Variants in GLB1 observed in about 807,000 individuals in gnomAD.
GLB1 encodes the protein galactosidase beta 1.
In GLB1, 56 loss-of-function variants were observed where a neutral mutation model predicts 74.0. That is an observed-to-expected ratio of 0.76 (90% CI 0.61 to 0.94). The LOEUF (loss-of-function observed/expected upper bound fraction) is 0.94, where lower values mean the gene tolerates loss of function less well. GLB1 is among the 40% of genes least tolerant of loss of function. The probability of loss-of-function intolerance (pLI) is 0.00; values close to 1 mark genes in which losing one functional copy is unlikely to be tolerated. For synonymous variants in GLB1, 323 were observed against 323.6 expected (o/e 1.00, Z 0.02); for missense variants, 787 against 845.5 (o/e 0.93, Z 0.86).
chr3:33,020,471 T>A (rs1697420999), intron 12 of GLB1, among the ~76,000 whole-genome samples: 1 of 152,182 alleles, frequency 6.6e-6, no homozygotes, highest in African/African-American at 2.4e-5. Flanking sequence ...CATCCTGCTA[T>A]CATTCCCTGA....
intron 10 of GLB1, chr3:33,033,881 A>C (rs1698161365): frequency 1.9e-6 from 1 of 519,252 alleles, no homozygotes; most frequent in Non-Finnish European, 3.9e-6. Context: ...AGTAATTAAC[A>C]CTGTGGATAC....
chr3:32,999,801 C>G (rs1696475111), intron 15 of GLB1, among the ~76,000 whole-genome samples: 1 of 152,054 alleles, frequency 6.6e-6, no homozygotes, highest in Non-Finnish European at 1.5e-5. Context: ...CAGGCGTGCA[C>G]CACCATGCCC....
At chr3:33,092,335 C>T (rs566139698) in intron 1 of GLB1, 1 of 987,420 alleles carries the variant, frequency 1.0e-6, no homozygotes, top group Admixed American at 6.0e-5. Context: ...GAGGGCCCTT[C>T]CATCTTGCCT....
chr3:32,995,376 T>C (rs1696290288), downstream of GLB1, among the ~76,000 whole-genome samples: 1 of 152,176 alleles, frequency 6.6e-6, no homozygotes, highest in East Asian at 1.9e-4. Context: ...TTGGTAACTG[T>C]GCAGTGGAGG....
intron 1 of GLB1, among the ~76,000 whole-genome samples, chr3:33,080,725 C>T (rs903598211): frequency 6.6e-6 from 1 of 152,202 alleles, no homozygotes; most frequent in South Asian, 2.1e-4. Flanking sequence ...TGCATTCTGA[C>T]CCAGGCTGTC....
intron 1 of GLB1, 81 bp downstream of exon 1, chr3:33,096,929 CG>C: frequency 6.5e-7 from 1 of 1,548,838 alleles, no homozygotes; most frequent in Non-Finnish European, 8.7e-7. Flanking sequence ...TGCGGGACCG[CG>C]GGTGGCTGCG....
chr3:32,999,349 G>T (rs372165413), intron 15 of GLB1, among the ~76,000 whole-genome samples: 2 of 152,168 alleles, frequency 1.3e-5, no homozygotes, highest in East Asian at 3.9e-4. Flanking sequence ...GGTCAAGGGG[G>T]AAGACAGAGA....
chr3:33,071,984 T>A (rs1159507040), intron 2 of GLB1, among the ~76,000 whole-genome samples: 1 of 152,224 alleles, frequency 6.6e-6, no homozygotes, highest in Non-Finnish European at 1.5e-5. Context: ...GGAATCTAAG[T>A]GTAAAAAGTT....
At position 33,063,259 on chromosome 3, in the gene GLB1, G is replaced by A. The variant is rs145111423; in HGVS notation, c.552+2204C>T. 2.3e-3 allele frequency among the ~76,000 whole-genome samples: 341 copies of A among 150,438 alleles called. 7 individuals carry two copies. In the South Asian group the frequency reaches 0.043, roughly 19 times the overall value. On this transcript the variant is annotated intron_variant, in intron 5 of 15. Coordinates refer to ENST00000307363, the MANE Select transcript of GLB1 (RefSeq NM_000404.4). Reference sequence around the variant, plus strand: ...ACTCTGTAAGAAAGCAGAAAAAAAAGGCATAAAAAATATTCAAGGAAACTC... The same window carrying A: ...ACTCTGTAAGAAAGCAGAAAAAAAAAGCATAAAAAATATTCAAGGAAACTC...
chr3:32,982,038 G>A, the GLB1 span, among the ~76,000 whole-genome samples: 2 of 152,120 alleles, frequency 1.3e-5, no homozygotes, highest in African/African-American at 4.8e-5. Flanking sequence ...TTTCAGCCGG[G>A]TGCGGTGGCT....
At position 33,018,474 on chromosome 3, in the gene GLB1, C is replaced by T. The variant is rs780724173; in HGVS notation, c.1321G>A (p.Asp441Asn). Residue 441 changes from aspartate (D) to asparagine (N), a missense_variant, in exon 13 of 16, where the codon GAT (aspartate) becomes AAT (asparagine). By Grantham distance (23) the Asp-to-Asn change is conservative (BLOSUM62 1). Coordinates refer to ENST00000307363, the MANE Select transcript of GLB1 (RefSeq NM_000404.4). ...PLSSPLNGVHDRAYVAVDGIP... is the reference protein window; with the variant it reads ...PLSSPLNGVHNRAYVAVDGIP... ...CCATCCACAGCAACATATGCTCGATCGTGGACTCCATTGAGGGGTGAAGAG... is the reference window on the plus strand; with the variant it reads ...CCATCCACAGCAACATATGCTCGATTGTGGACTCCATTGAGGGGTGAAGAG... The T allele has an allele frequency of 6.2e-6, 10 of 1,613,906 alleles. No individual in the cohort carries two copies. In the Admixed American group the frequency reaches 1.2e-4, roughly 19 times the overall value.
At chr3:33,081,111 G>A (rs543875294) in intron 1 of GLB1, among the ~76,000 whole-genome samples, 1 of 152,212 alleles carries the variant, frequency 6.6e-6, no homozygotes, top group African/African-American at 2.4e-5. Context: ...TTTATTAACA[G>A]ATTTGGAAGC....
chr3:33,064,740 G>C (rs1699600288), intron 5 of GLB1, among the ~76,000 whole-genome samples: 1 of 119,714 alleles, frequency 8.4e-6, no homozygotes, highest in African/African-American at 3.3e-5. Flanking sequence ...TTGCCCCACT[G>C]CACTCCAGCC....
chr3:32,984,973 C>G, the GLB1 span, among the ~76,000 whole-genome samples: 1 of 150,976 alleles, frequency 6.6e-6, no homozygotes, highest in Non-Finnish European at 1.5e-5. Flanking sequence ...GGTGTAGTGG[C>G]CTGCATCTGT....
intron 10 of GLB1, among the ~76,000 whole-genome samples, chr3:33,041,119 C>G (rs1316390825): frequency 6.6e-6 from 1 of 151,946 alleles, no homozygotes; most frequent in Non-Finnish European, 1.5e-5. Context: ...CTTTTTAGGA[C>G]TAGTGAAAAA....
the GLB1 span, among the ~76,000 whole-genome samples, chr3:32,978,547 T>A: frequency 6.6e-6 from 1 of 152,164 alleles, no homozygotes; most frequent in South Asian, 2.1e-4. Context: ...TTTTCTGCAA[T>A]GGATGAACAA....
intron 10 of GLB1, among the ~76,000 whole-genome samples, chr3:33,025,149 T>C (rs2041844411): frequency 6.6e-6 from 1 of 152,174 alleles, no homozygotes; most frequent in Non-Finnish European, 1.5e-5. Flanking sequence ...TTCTCCATGT[T>C]GGTCAGGCTG....
downstream of GLB1, among the ~76,000 whole-genome samples, chr3:32,993,245 C>T (rs1696255868): frequency 6.6e-6 from 1 of 152,080 alleles, no homozygotes; most frequent in Non-Finnish European, 1.5e-5. Context: ...ACTGGATTTG[C>T]TGAGAAACAA....
chr3:32,973,471 T>C, the GLB1 span, among the ~76,000 whole-genome samples: 1 of 152,086 alleles, frequency 6.6e-6, no homozygotes, highest in African/African-American at 2.4e-5. Flanking sequence ...GTAGCTAGGA[T>C]TACAGGTGCA....
Sources: allele counts gnomAD v4.1 joint callset (sites outside exome capture counted in the v4.1 genomes callset), GRCh38; gene constraint gnomAD v4.1.1; transcripts MANE v1.5; gene names NCBI Gene and HGNC (gene_info 2026-07-23, HGNC 2026-07-21).